FBXL18: variants seen among roughly 807,000 people sequenced by gnomAD.
FBXL18 encodes the protein F-box/LRR-repeat protein 18.
In FBXL18, 36 loss-of-function variants were observed where a neutral mutation model predicts 46.0. That is an observed-to-expected ratio of 0.78 (90% CI 0.60 to 1.03). The LOEUF (loss-of-function observed/expected upper bound fraction) is 1.03. Ranked by LOEUF, FBXL18 falls within the 50% of genes least tolerant of loss-of-function variation. The pLI is 0.00. For missense variants in FBXL18, 977 were observed against 1,004.1 expected, an observed-to-expected ratio of 0.97 and a Z score of 0.36; for synonymous variants, 557 against 465.3, an observed-to-expected ratio of 1.20 and a Z score of -2.54.
chr7:5,469,018 G>A (rs969653320), intron 4 of FBXL18, among the ~76,000 whole-genome samples: 1 of 152,154 alleles, frequency 6.6e-6, no homozygotes, highest in Non-Finnish European at 1.5e-5. Flanking sequence ...GTGTGCGGGT[G>A]TGATGAGACA....
chr7:5,457,879 CG>C (rs1417004436), intron 4 of FBXL18, among the ~76,000 whole-genome samples: 2 of 152,196 alleles, frequency 1.3e-5, no homozygotes, highest in Non-Finnish European at 2.9e-5. Flanking sequence ...CCTGCCTCGC[CG>C]GGGAAAGGAA....
intron 1 of FBXL18, among the ~76,000 whole-genome samples, chr7:5,509,438 A>G (rs1215580715): frequency 6.6e-6 from 1 of 152,102 alleles, no homozygotes; most frequent in African/African-American, 2.4e-5. Flanking sequence ...TCACGCCCGT[A>G]ATCCCCAGCA....
intron 1 of FBXL18, among the ~76,000 whole-genome samples, chr7:5,512,734 C>T (rs1235183443): frequency 1.3e-5 from 2 of 152,204 alleles, no homozygotes; most frequent in Non-Finnish European, 2.9e-5. Context: ...TCATTTCAAT[C>T]TTATCAATCT....
chr7:5,512,287 A>T (rs1220813883), intron 1 of FBXL18, among the ~76,000 whole-genome samples: 1 of 136,820 alleles, frequency 7.3e-6, no homozygotes, highest in Admixed American at 7.5e-5. Context: ...GAACCATGTG[A>T]AGTGTTATTT....
rs1784082422 is a variant in FBXL18, at chr7:5,496,402, C to T, written c.1781+4086G>A. 6.6e-6 allele frequency among the ~76,000 whole-genome samples: 1 copy of T among 152,210 alleles called. No homozygotes were observed. The highest frequency in any genetic ancestry group is 2.4e-5 in the African/African-American group (1 of 41,452). On this transcript the variant is annotated intron_variant, in intron 3 of 4. Transcript: ENST00000382368. This position sits in a 1 kb window ranked among gnomAD's most constrained non-coding sequence, Gnocchi z 4.8. The stretch of plus-strand genomic sequence containing the variant: ...CAGCCTCTGCTCGGTCTCCCTTCCA[C>T]ATTCTTCTTCCTCTTCCTGGCCAAT...
At chr7:5,497,114 T>A (rs1206109510) in intron 3 of FBXL18, among the ~76,000 whole-genome samples, 1 of 149,670 alleles carries the variant, frequency 6.7e-6, no homozygotes, top group Non-Finnish European at 1.5e-5. Flanking sequence ...GGTGGGAGGA[T>A]CACCTGAGCC....
At chr7:5,468,563 G>C (rs1783381000) in intron 4 of FBXL18, among the ~76,000 whole-genome samples, 1 of 152,158 alleles carries the variant, frequency 6.6e-6, no homozygotes, top group Non-Finnish European at 1.5e-5. Context: ...ACATTTTCTA[G>C]AAAAGGAACA....
intron 4 of FBXL18, among the ~76,000 whole-genome samples, chr7:5,454,539 C>T (rs972314277): frequency 4.6e-5 from 7 of 152,046 alleles, no homozygotes; most frequent in Admixed American, 3.9e-4. Flanking sequence ...CTCCAGAGGC[C>T]ACTGGATTAG....
chr7:5,469,467 G>A (rs4724690), intron 4 of FBXL18, among the ~76,000 whole-genome samples: 97,371 of 152,016 alleles, frequency 0.64, 31,396 homozygotes, highest in East Asian at 0.8. Context: ...CTACATGAGT[G>A]AACACGGGCA....
At chr7:5,486,695 A>C (rs909754582) in intron 4 of FBXL18, among the ~76,000 whole-genome samples, 5 of 152,166 alleles carry the variant, frequency 3.3e-5, no homozygotes, top group African/African-American at 1.2e-4. Context: ...GGCGGCCGAT[A>C]CCCAGTCGTG....
chr7:5,512,085 A>C (rs28862724), intron 1 of FBXL18, among the ~76,000 whole-genome samples: 49,392 of 149,094 alleles, frequency 0.33, 8,595 homozygotes, highest in Admixed American at 0.39. Context: ...AAAAAAAAAA[A>C]AACCAAAAAA....
intron 4 of FBXL18, among the ~76,000 whole-genome samples, chr7:5,465,943 G>A (rs1037421451): frequency 3.3e-5 from 5 of 151,582 alleles, no homozygotes; most frequent in Admixed American, 1.3e-4. Context: ...TCAGCCTCCC[G>A]AGTAGCTGGG....
downstream of FBXL18, among the ~76,000 whole-genome samples, chr7:5,472,987 G>A (rs1302616701): frequency 6.6e-6 from 1 of 152,002 alleles, no homozygotes; most frequent in Non-Finnish European, 1.5e-5. Context: ...GGGCTTCCTC[G>A]CTGCACACAT....
At chr7:5,498,038 C>A (rs1784128686) in intron 3 of FBXL18, among the ~76,000 whole-genome samples, 1 of 151,846 alleles carries the variant, frequency 6.6e-6, no homozygotes, top group Non-Finnish European at 1.5e-5. Flanking sequence ...GGCTCAAGGC[C>A]TTCACTACCT....
Position 5,500,892 on chromosome 7 carries a change from A to AT in FBXL18, c.1376_1377insA (p.Cys459Ter), listed in dbSNP as rs1201485389. ...ACGCCTGGCCCGAGAAGGGGCTGGGACAGGACTGCACGCCCACACGCACTT... is the reference window on the plus strand; with the variant it reads ...ACGCCTGGCCCGAGAAGGGGCTGGGATCAGGACTGCACGCCCACACGCACTT... ...GKKVRVGVQS[C>*]PSPFSGQACP... The change falls in exon 3 of 5, where the codon TGT becomes TGAT. Residue 459 changes from cysteine to a stop codon, truncating the protein, a stop_gained and frameshift_variant. Transcript: ENST00000382368. LOFTEE classifies it high-confidence loss of function. 1 of 1,586,196 alleles carries AT rather than the reference A, an allele frequency of 6.3e-7. No homozygotes were observed. The highest frequency in any genetic ancestry group is 8.6e-7 in the Non-Finnish European group (1 of 1,165,020).
At chr7:5,473,185 G>A (rs748395468), downstream of FBXL18, among the ~76,000 whole-genome samples, 12 of 152,182 alleles carry the variant, frequency 7.9e-5, no homozygotes, top group African/African-American at 2.9e-4. Flanking sequence ...AGGATGGGAG[G>A]CTCCTGGCCC....
chr7:5,484,295 G>A lies in FBXL18; in HGVS notation c.2001-2364C>T, dbSNP rs188174208. ...ATCCTGGCTAACACGGTGAAACCCC[G>A]TCTCTACTAAAAATACAAAAAAAAA... On this transcript the variant is annotated intron_variant, in intron 4 of 4. Transcript: ENST00000382368. Among the ~76,000 whole-genome samples, 39 of 151,892 alleles carry A rather than the reference G, an allele frequency of 2.6e-4. No individual in the cohort carries two copies. In the East Asian group the frequency reaches 3.1e-3, roughly 12 times the overall value.
At chr7:5,463,987 C>T (rs1424726264) in intron 4 of FBXL18, among the ~76,000 whole-genome samples, 1 of 151,908 alleles carries the variant, frequency 6.6e-6, no homozygotes, top group African/African-American at 2.4e-5. Context: ...GATCCACCCA[C>T]CTCAGCCTCC....
At chr7:5,492,366 G>A (rs1275113984) in intron 3 of FBXL18, among the ~76,000 whole-genome samples, 2 of 151,716 alleles carry the variant, frequency 1.3e-5, no homozygotes, top group Admixed American at 6.6e-5. Context: ...CTGGACTGTG[G>A]CAGGTTGTGG....
Sources: gnomAD v4.1 joint callset for allele counts (sites outside exome capture counted in the v4.1 genomes callset) on GRCh38, gnomAD v4.1.1 for gene constraint, Gnocchi (gnomAD v3.1) non-coding constraint, MANE v1.5 for transcripts, NCBI Gene and HGNC (gene_info 2026-07-23, HGNC 2026-07-21) for gene names.